The following PLEKHO2 variants were observed in gnomAD, a reference collection of about 807,000 sequenced individuals.
PLEKHO2 encodes pleckstrin homology domain containing O2.
In PLEKHO2, 20 loss-of-function variants were observed where a neutral mutation model predicts 32.7. That is an observed-to-expected ratio of 0.61 (90% CI 0.43 to 0.89). The LOEUF is 0.89. Among genes scored for constraint, PLEKHO2 ranks in the 40% least tolerant of loss-of-function variants. The probability of loss-of-function intolerance (pLI) is 0.00; values close to 1 mark genes in which losing one functional copy is unlikely to be tolerated. For synonymous variants in PLEKHO2, 247 were observed against 246.3 expected (o/e 1.00, Z -0.03); for missense variants, 568 against 621.2 (o/e 0.91, Z 0.91).
intron 1 of PLEKHO2, among the ~76,000 whole-genome samples, chr15:64,848,233 G>T (rs2084537514): frequency 6.6e-6 from 1 of 152,166 alleles, no homozygotes. Flanking sequence ...TTGAATTCTG[G>T]CTCTGTCCTC....
At chr15:64,854,044 C>T (rs1480920468) in intron 2 of PLEKHO2, among the ~76,000 whole-genome samples, 1 of 152,176 alleles carries the variant, frequency 6.6e-6, no homozygotes, top group Non-Finnish European at 1.5e-5. Flanking sequence ...TGACAGAGTG[C>T]CACACCCAGG....
chr15:64,865,386 C>T lies in PLEKHO2; in HGVS notation c.971C>T (p.Ser324Phe). The change falls in exon 6 of 6, where the codon TCC becomes TTC. Residue 324 changes from serine (S) to phenylalanine (F), a missense_variant. By Grantham distance (155) the Ser-to-Phe change is radical. Transcript: ENST00000323544. ...PKILSEKLKA[S>F]MGEMQASGPP... ...ATCTTATCAGAGAAACTGAAAGCCT[C>T]CATGGGTGAGATGCAGGCTTCTGGG... 6.2e-7 allele frequency: 1 copy of T among 1,613,832 alleles called. No individual in the cohort carries two copies. The highest frequency in any genetic ancestry group is 8.5e-7 in the Non-Finnish European group (1 of 1,179,778).
chr15:64,846,486 G>A (rs1365055630), intron 1 of PLEKHO2, among the ~76,000 whole-genome samples: 3 of 152,018 alleles, frequency 2.0e-5, no homozygotes, highest in African/African-American at 7.2e-5. Context: ...GCTATTTTTT[G>A]TATTTTTAGT....
At chr15:64,852,555 C>T (rs2084576526) in intron 2 of PLEKHO2, among the ~76,000 whole-genome samples, 1 of 152,074 alleles carries the variant, frequency 6.6e-6, no homozygotes, top group Non-Finnish European at 1.5e-5. Flanking sequence ...TGGGATGTCG[C>T]CTGGGCATTG....
chr15:64,846,872 A>G (rs1031957434), intron 1 of PLEKHO2, among the ~76,000 whole-genome samples: 1 of 152,182 alleles, frequency 6.6e-6, no homozygotes, highest in Non-Finnish European at 1.5e-5. Context: ...GCATCCTGGG[A>G]ACTGCTCTAT....
intron 3 of PLEKHO2, among the ~76,000 whole-genome samples, chr15:64,857,971 G>A (rs1052254059): frequency 6.6e-6 from 1 of 152,180 alleles, no homozygotes; most frequent in East Asian, 1.9e-4. Flanking sequence ...GCTAAATCCT[G>A]TACCATGCAG....
chr15:64,856,001 G>C (rs927916982), intron 3 of PLEKHO2, among the ~76,000 whole-genome samples: 1 of 152,032 alleles, frequency 6.6e-6, no homozygotes, highest in Non-Finnish European at 1.5e-5. Flanking sequence ...GGGTGGGGGC[G>C]CAGAAGCAAC....
rs1445368316 is a variant in PLEKHO2, at chr15:64,865,540, GC to G, written c.1131del (p.Trp378GlyfsTer39). 2 of 1,613,968 alleles carry G rather than the reference GC, an allele frequency of 1.2e-6. No homozygotes were observed. The highest frequency in any genetic ancestry group is 1.3e-5 in the African/African-American group (1 of 74,940). ...PKDATTSTAL[P>X]PWDLPPQFHP... The stretch of plus-strand genomic sequence containing the variant: ...AGGATGCAACAACATCCACAGCACT[GC>G]CCCCCTGGGACCTGCCACCTCAGTT... On this transcript the variant is annotated frameshift_variant, in exon 6 of 6. Transcript: ENST00000323544. LOFTEE classifies it low-confidence loss of function (END_TRUNC).
rs2084683184 is a variant in PLEKHO2, at chr15:64,865,928, A to G, written c.*40A>G. ...GAGGCACCATCCCTTCTGGCCATCC[A>G]TCAAGTCCATCAAGGCCCAGCCCTG... On this transcript the variant is annotated 3_prime_UTR_variant, in exon 6 of 6. Coordinates refer to ENST00000323544, the MANE Select transcript of PLEKHO2 (RefSeq NM_025201.5). 6.4e-7 allele frequency: 1 copy of G among 1,564,582 alleles called. No homozygotes were observed. The highest frequency in any genetic ancestry group is 8.6e-7 in the Non-Finnish European group (1 of 1,160,208).
intron 2 of PLEKHO2, among the ~76,000 whole-genome samples, chr15:64,853,243 G>A (rs2084582085): frequency 6.6e-6 from 1 of 151,588 alleles, no homozygotes; most frequent in Non-Finnish European, 1.5e-5. Context: ...ATTGAGTGGG[G>A]ATGAGGCCTG....
chr15:64,841,925 G>C lies in PLEKHO2; in HGVS notation c.-92G>C. On this transcript the variant is annotated 5_prime_UTR_variant, in exon 1 of 6. Transcript: ENST00000323544. ...GGCAGCCGGCGGGACAGAACGCGGA[G>C]AGTCGCCGCCTGGCCGGGCGTAGAC... 2 of 1,201,780 alleles carry C rather than the reference G, an allele frequency of 1.7e-6. No individual in the cohort carries two copies. The highest frequency in any genetic ancestry group is 2.1e-6 in the Non-Finnish European group (2 of 960,080). 74.4% of individuals were successfully genotyped at this position (1,201,780 alleles called of 1,614,324 possible).
intron 1 of PLEKHO2, among the ~76,000 whole-genome samples, chr15:64,842,236 C>G (rs569032639): frequency 1.3e-5 from 2 of 152,368 alleles, no homozygotes; most frequent in East Asian, 3.9e-4. Flanking sequence ...CGCTGACTTT[C>G]TCACCAGTTG....
At chr15:64,860,738 C>T (rs1221201844) in intron 4 of PLEKHO2, among the ~76,000 whole-genome samples, 1 of 152,250 alleles carries the variant, frequency 6.6e-6, no homozygotes, top group Non-Finnish European at 1.5e-5. Context: ...CTCAGCCCTT[C>T]ACTACCTAGG....
intron 5 of PLEKHO2, among the ~76,000 whole-genome samples, chr15:64,863,270 G>A (rs2084655587): frequency 6.6e-6 from 1 of 152,234 alleles, no homozygotes; most frequent in African/African-American, 2.4e-5. Flanking sequence ...TCGATTTAGG[G>A]CTGTCCCGGG....
rs745510178 is a variant in PLEKHO2, at chr15:64,865,873, G to A, written c.1458G>A (p.Arg486=). 5.6e-6 allele frequency: 9 copies of A among 1,606,034 alleles called. No homozygotes were observed. Among genetic ancestry groups the A allele is most frequent in the Non-Finnish European group, 7.6e-6 (9 of 1,179,640 alleles). Reference sequence around the variant, plus strand: ...GGAAGGAGCTGGTGACCCTCTACAGGAGAAGTGCACCCTAGGGCCTTCTGG... The same window carrying A: ...GGAAGGAGCTGGTGACCCTCTACAGAAGAAGTGCACCCTAGGGCCTTCTGG... ...EKRKELVTLY[R]RSAP Residue 486 remains arginine, a synonymous_variant, in exon 6 of 6, where the codon AGG becomes AGA. Transcript: ENST00000323544.
chr15:64,847,347 A>T (rs1191060178), intron 1 of PLEKHO2, among the ~76,000 whole-genome samples: 1 of 152,040 alleles, frequency 6.6e-6, no homozygotes, highest in Non-Finnish European at 1.5e-5. Context: ...ATTTTATGTA[A>T]ATTATAACGT....
At chr15:64,855,903 C>T (rs899703392) in intron 3 of PLEKHO2, among the ~76,000 whole-genome samples, 1 of 152,148 alleles carries the variant, frequency 6.6e-6, no homozygotes, top group African/African-American at 2.4e-5. Flanking sequence ...CTGTTTCTCC[C>T]CCAGCTTTAG....
intron 2 of PLEKHO2, among the ~76,000 whole-genome samples, chr15:64,850,952 C>T (rs2084563557): frequency 6.6e-6 from 1 of 152,156 alleles, no homozygotes; most frequent in Non-Finnish European, 1.5e-5. Context: ...GAAGGGGGAG[C>T]CTGCCTCTTC....
At chr15:64,851,640 A>G (rs1468153258) in intron 2 of PLEKHO2, among the ~76,000 whole-genome samples, 1 of 152,176 alleles carries the variant, frequency 6.6e-6, no homozygotes, top group Middle Eastern at 3.2e-3. Context: ...AGAGGCTGAC[A>G]TTCCAAAGAT....
Sources: gnomAD v4.1 joint callset for allele counts (sites outside exome capture counted in the v4.1 genomes callset) on GRCh38, gnomAD v4.1.1 for gene constraint, MANE v1.5 for transcripts, NCBI Gene and HGNC (gene_info 2026-07-23, HGNC 2026-07-21) for gene names.